Variants in SPACA6 observed in about 807,000 individuals in gnomAD.
SPACA6 encodes sperm acrosome membrane-associated protein 6.
For missense variants in SPACA6, 8 were observed against 2.8 expected (o/e 2.88, Z -1.34); for synonymous variants, 6 against 1.5 (o/e 4.05, Z -2.21).
chr19:51,683,349 C>G, the SPACA6 span, among the ~76,000 whole-genome samples: 1 of 152,148 alleles, frequency 6.6e-6, no homozygotes, highest in Non-Finnish European at 1.5e-5. Flanking sequence ...TTCATTTTAA[C>G]TTGATTACAT....
intron 1 of SPACA6, 65 bp from the exon 2 acceptor site, chr19:51,694,413 G>A (rs1002645618): frequency 2.5e-6 from 1 of 398,318 alleles, no homozygotes; most frequent in Non-Finnish European, 4.4e-6. Context: ...CAGAATGTTC[G>A]CATTAGGGAC....
upstream of SPACA6, chr19:51,692,931 T>C (rs1030251290): frequency 1.4e-5 from 7 of 511,460 alleles, no homozygotes; most frequent in Admixed American, 1.2e-4. This position sits in a 1 kb window ranked among gnomAD's most constrained non-coding sequence, Gnocchi z 5.6. Flanking sequence ...TTAGCCCCAC[T>C]GGGCTGCCCC....
chr19:51,690,997 G>A (rs974617683), upstream of SPACA6, among the ~76,000 whole-genome samples: 4 of 112,198 alleles, frequency 3.6e-5, no homozygotes, highest in African/African-American at 1.4e-4. Flanking sequence ...TGGGAGGTTG[G>A]GAAGGAGGGA....
chr19:51,690,138 G>C (rs1358257871), upstream of SPACA6, among the ~76,000 whole-genome samples: 1 of 151,658 alleles, frequency 6.6e-6, no homozygotes, highest in South Asian at 2.1e-4. Flanking sequence ...GGGGACCCGG[G>C]ATTCCAGGTC....
At chr19:51,702,537 A>G (rs2083477267) in intron 3 of SPACA6, 92 bp from the exon 4 acceptor site, 1 of 398,180 alleles carries the variant, frequency 2.5e-6, no homozygotes, top group Non-Finnish European at 4.4e-6. Flanking sequence ...CCTCGGAGCA[A>G]TGCTTCGGGC....
upstream of SPACA6, among the ~76,000 whole-genome samples, chr19:51,684,189 T>C (rs113397041): frequency 2.2e-3 from 328 of 151,896 alleles, 1 homozygote; most frequent in African/African-American, 7.2e-3. Context: ...TCATGTGGAG[T>C]GGGTTACTTA....
At chr19:51,704,824 A>G in intron 8 of SPACA6, 1 of 306,206 alleles carries the variant, frequency 3.3e-6, no homozygotes, top group Non-Finnish European at 5.5e-6. Flanking sequence ...CTCCTCCCGC[A>G]GATCCAAGAG....
upstream of SPACA6, among the ~76,000 whole-genome samples, chr19:51,690,765 G>A (rs1020414104): frequency 2.0e-5 from 3 of 152,162 alleles, no homozygotes; most frequent in Non-Finnish European, 4.4e-5. Context: ...GGAGACACTG[G>A]TTGGCGGGTG....
At chr19:51,705,380 A>G (rs1029630610), downstream of SPACA6, 3 of 336,440 alleles carry the variant, frequency 8.9e-6, no homozygotes, top group Non-Finnish European at 5.3e-6. Flanking sequence ...CATCTGCAGA[A>G]GGCACCCTCA....
In SPACA6 at chr19:51,703,327, CAGG is replaced by C. The variant is rs1268610276; in HGVS notation, c.570_572del (p.Gly191del). On this transcript the variant is annotated inframe_deletion, in exon 6 of 9. Coordinates refer to ENST00000637797, the MANE Select transcript of SPACA6 (RefSeq NM_001316972.2). The surrounding 1 kb of genome is among the most constrained non-coding windows in gnomAD (Gnocchi z 4.2). ...GAGATCACCTATTCCTGGAAGTTCG[CAGG>C]AGGAGGTGTGAGTCGGGGCGGGGCC... is the stretch of plus-strand genomic sequence containing the variant. The C allele has an allele frequency of 5.0e-6, 2 of 399,338 alleles. No individual in the cohort carries two copies. Among genetic ancestry groups the C allele is most frequent in the Non-Finnish European group, 8.8e-6 (2 of 226,126 alleles). 24.7% of individuals were successfully genotyped at this position (399,338 alleles called of 1,614,324 possible).
chr19:51,689,960 G>C (rs535436038), upstream of SPACA6, among the ~76,000 whole-genome samples: 172 of 151,136 alleles, frequency 1.1e-3, no homozygotes, highest in African/African-American at 3.9e-3. Context: ...AGGGGAGGGG[G>C]AGGCGCAGGG....
At chr19:51,696,710 A>G (rs2083433496) in intron 2 of SPACA6, among the ~76,000 whole-genome samples, 1 of 152,084 alleles carries the variant, frequency 6.6e-6, no homozygotes, top group Admixed American at 6.5e-5. Flanking sequence ...CAGCCTCCCA[A>G]AGTGCTGGGA....
At chr19:51,685,891 A>G (rs1236729248), upstream of SPACA6, 1 of 152,246 alleles carries the variant, frequency 6.6e-6, no homozygotes, top group Non-Finnish European at 1.5e-5. Flanking sequence ...TTCTGACGTT[A>G]CGTCGGTGCT....
chr19:51,708,930 T>TGGGAGGACAGCC (rs2083529293), downstream of SPACA6, among the ~76,000 whole-genome samples: 2 of 150,126 alleles, frequency 1.3e-5, no homozygotes, highest in South Asian at 4.2e-4. Context: ...GCCAGGCACA[T>TGGGAGGACAGCC]GGGAGGACAG....
At position 51,704,200 on chromosome 19, in the gene SPACA6, C is replaced by T; in HGVS notation, c.730+14C>T. On this transcript the variant is annotated intron_variant, in intron 7 of 8. Coordinates refer to ENST00000637797, the MANE Select transcript of SPACA6 (RefSeq NM_001316972.2). ...TCTTTCTTAACGGTGGGGCGGGGCG[C>T]GGCCGCGTGAGTGAGCGGGGTCGGG... 1 of 400,968 alleles carries T rather than the reference C, an allele frequency of 2.5e-6. No homozygotes were observed. Among genetic ancestry groups the T allele is most frequent in the East Asian group, 3.6e-5 (1 of 28,046 alleles). The allele number at this position is 400,968 out of a possible 1,614,324, so 24.8% of individuals were successfully genotyped here.
chr19:51,693,098 A>C, upstream of SPACA6: 1 of 363,676 alleles, frequency 2.7e-6, no homozygotes, highest in Non-Finnish European at 5.6e-6. Flanking sequence ...ACTCCCTCTT[A>C]TTCTGGCTTT....
the SPACA6 span, among the ~76,000 whole-genome samples, chr19:51,682,739 C>T: frequency 5.3e-5 from 8 of 152,132 alleles, no homozygotes; most frequent in South Asian, 2.1e-4. Context: ...ATAAACTGAG[C>T]AGCTTAAAAC....
chr19:51,690,208 A>G (rs1326043905), upstream of SPACA6, among the ~76,000 whole-genome samples: 2 of 151,278 alleles, frequency 1.3e-5, no homozygotes, highest in Non-Finnish European at 3.0e-5. Flanking sequence ...CCATTCCAGA[A>G]TCCGAGCCCC....
chr19:51,707,242 T>TG (rs1440625403), downstream of SPACA6, among the ~76,000 whole-genome samples: 1 of 151,652 alleles, frequency 6.6e-6, no homozygotes, highest in African/African-American at 2.4e-5. Context: ...TTTTTTTTTT[T>TG]TTTTGTTTTG....
Sources: allele counts gnomAD v4.1 joint callset (sites outside exome capture counted in the v4.1 genomes callset), GRCh38; gene constraint gnomAD v4.1.1; non-coding constraint Gnocchi (gnomAD v3.1); transcripts MANE v1.5; gene names NCBI Gene and HGNC (gene_info 2026-07-23, HGNC 2026-07-21).